SVEP1: variants seen among roughly 807,000 people sequenced by gnomAD.
The protein encoded by SVEP1 is sushi, von Willebrand factor type A, EGF and pentraxin domain containing 1.
In SVEP1, 164 loss-of-function variants were observed where a neutral mutation model predicts 367.3. The observed-to-expected ratio is 0.45, with a 90% CI of 0.39 to 0.51. SVEP1 has a LOEUF of 0.51. SVEP1 is among the 20% of genes least tolerant of loss of function. The probability of loss-of-function intolerance (pLI) is 0.00; values close to 1 mark genes in which losing one functional copy is unlikely to be tolerated. For synonymous variants in SVEP1, 1,666 were observed against 1,611.6 expected, an observed-to-expected ratio of 1.03 and a Z score of -0.81; for missense variants, 4,117 against 4,425.3, an observed-to-expected ratio of 0.93 and a Z score of 1.98.
chr9:110,471,635 TG>T, intron 15 of SVEP1, 38 bp from the exon 16 acceptor site: 1 of 1,476,180 alleles, frequency 6.8e-7, no homozygotes, highest in Non-Finnish European at 9.3e-7. Flanking sequence ...CACAAACACA[TG>T]GTGTTTCAGA....
At chr9:110,379,047 ATTAT>A (rs146647144) in intron 44 of SVEP1, among the ~76,000 whole-genome samples, 12,264 of 152,200 alleles carry the variant, frequency 0.081, 964 homozygotes, top group African/African-American at 0.21. Flanking sequence ...GAATGAAATA[ATTAT>A]TATGATGTAT....
rs754369240 is a variant in SVEP1, at chr9:110,476,249, A to C, written c.2554T>G (p.Tyr852Asp). ...CRLEENLTKK[Y>D]CLEYNYDYEN... ...TAGTCATAATTATATTCTAGGCAAT[A>C]TTTTTTGGTCAGGTTCTCCTCCAGT... is the stretch of plus-strand genomic sequence containing the variant. Residue 852 changes from tyrosine to aspartate, a missense_variant, in exon 14 of 48, where the codon TAT becomes GAT. Tyr to Asp is a radical substitution (Grantham distance 160). Transcript: ENST00000374469. 1 of 1,613,692 alleles carries C rather than the reference A, an allele frequency of 6.2e-7. No individual in the cohort carries two copies. The highest frequency in any genetic ancestry group is 1.3e-5 in the African/African-American group (1 of 75,028).
At chr9:110,450,344 T>A (rs1828673520) in intron 23 of SVEP1, 84 bp from the exon 24 acceptor site, 6 of 1,397,720 alleles carry the variant, frequency 4.3e-6, no homozygotes, top group Non-Finnish European at 5.9e-6. Context: ...CCCTGGAGGA[T>A]GCTGCTTCTA....
chr9:110,449,986 CCAT>C, intron 24 of SVEP1, 70 bp downstream of exon 24: 1 of 1,530,114 alleles, frequency 6.5e-7, no homozygotes, highest in South Asian at 1.2e-5. Flanking sequence ...AAGCAATACT[CCAT>C]AAAGGCTGCA....
At chr9:110,508,945 G>T (rs1829669142) in intron 5 of SVEP1, among the ~76,000 whole-genome samples, 1 of 152,062 alleles carries the variant, frequency 6.6e-6, no homozygotes, top group Non-Finnish European at 1.5e-5. Context: ...TAGATTTTAT[G>T]CAGGTCTTTC....
intron 1 of SVEP1, among the ~76,000 whole-genome samples, chr9:110,572,419 C>T (rs1166396937): frequency 6.6e-6 from 1 of 152,134 alleles, no homozygotes. Context: ...TAATAAGTGC[C>T]TTTAACAGTA....
intron 40 of SVEP1, among the ~76,000 whole-genome samples, chr9:110,397,857 G>A (rs982487804): frequency 6.6e-6 from 1 of 152,042 alleles, no homozygotes; most frequent in African/African-American, 2.4e-5. Context: ...ACAAAGAAAT[G>A]GAAGAACATT....
In SVEP1 at chr9:110,406,130, C is replaced by T. The variant is rs372376495; in HGVS notation, c.9440+30G>A. The T allele has an allele frequency of 2.0e-6, 3 of 1,518,194 alleles. No homozygotes were observed. In the African/African-American group the frequency reaches 4.2e-5, roughly 21 times the overall value. The allele number at this position is 1,518,194 out of a possible 1,614,324, so 94.0% of individuals were successfully genotyped here. ...TTTCATTTCATAATCCTGCCCGCAC[C>T]CCTTGGAGACCCTAGAGCCATGATC... On this transcript the variant is annotated intron_variant, in intron 38 of 47. Transcript: ENST00000374469.
chr9:110,459,581 G>C (rs62569937), intron 18 of SVEP1, among the ~76,000 whole-genome samples: 119 of 151,860 alleles, frequency 7.8e-4, no homozygotes, highest in Non-Finnish European at 1.5e-3. Flanking sequence ...TATTTCCTTG[G>C]GATAATAGTT....
At chr9:110,561,501 G>A (rs924985877) in intron 1 of SVEP1, among the ~76,000 whole-genome samples, 1 of 152,122 alleles carries the variant, frequency 6.6e-6, no homozygotes, top group Non-Finnish European at 1.5e-5. Context: ...ATTTGTACTA[G>A]CTATATGTCC....
intron 1 of SVEP1, among the ~76,000 whole-genome samples, chr9:110,559,018 C>T (rs1830389567): frequency 6.6e-6 from 1 of 151,830 alleles, no homozygotes; most frequent in Admixed American, 6.6e-5. Context: ...CTTTGCTTAT[C>T]AATAAAAATT....
chr9:110,415,296 A>C (rs1197689442), intron 36 of SVEP1, among the ~76,000 whole-genome samples: 1 of 152,008 alleles, frequency 6.6e-6, no homozygotes, highest in Non-Finnish European at 1.5e-5. Context: ...AATGAAAAGC[A>C]CAACACCAGT....
intron 42 of SVEP1, among the ~76,000 whole-genome samples, chr9:110,386,372 A>G (rs1827522641): frequency 6.6e-6 from 1 of 152,244 alleles, no homozygotes; most frequent in Non-Finnish European, 1.5e-5. Flanking sequence ...ATTATTTTAG[A>G]CTGAGTTTTT....
chr9:110,440,508 A>G (rs780714056), intron 27 of SVEP1, among the ~76,000 whole-genome samples: 18 of 152,236 alleles, frequency 1.2e-4, no homozygotes, highest in Non-Finnish European at 2.1e-4. Flanking sequence ...TCTTCTTCTA[A>G]GAGATGATAA....
intron 32 of SVEP1, among the ~76,000 whole-genome samples, chr9:110,431,178 GT>G (rs1436281962): frequency 6.6e-6 from 1 of 152,082 alleles, no homozygotes; most frequent in Non-Finnish European, 1.5e-5. Context: ...TTATTAAACT[GT>G]TTTCCATAGT....
chr9:110,488,002 G>A (rs900731302), intron 9 of SVEP1, among the ~76,000 whole-genome samples: 1 of 152,060 alleles, frequency 6.6e-6, no homozygotes, highest in Non-Finnish European at 1.5e-5. Flanking sequence ...GAGATGATAC[G>A]GTAAACCAGG....
intron 12 of SVEP1, among the ~76,000 whole-genome samples, chr9:110,480,781 A>G (rs933111250): frequency 5.3e-5 from 8 of 151,614 alleles, no homozygotes; most frequent in African/African-American, 1.9e-4. Context: ...ACAGGAGCAC[A>G]CCACCAGGCC....
At chr9:110,567,806 A>G (rs1339514109) in intron 1 of SVEP1, among the ~76,000 whole-genome samples, 1 of 152,164 alleles carries the variant, frequency 6.6e-6, no homozygotes, top group Non-Finnish European at 1.5e-5. Flanking sequence ...TGGCCCACCC[A>G]GACTTCCTAG....
intron 1 of SVEP1, among the ~76,000 whole-genome samples, chr9:110,556,004 AT>A (rs1424375661): frequency 1.3e-5 from 2 of 152,224 alleles, no homozygotes; most frequent in African/African-American, 4.8e-5. Flanking sequence ...TTTGTGAGAC[AT>A]TTAAGAAACA....
Sources: gnomAD v4.1 joint callset for allele counts (sites outside exome capture counted in the v4.1 genomes callset) on GRCh38, gnomAD v4.1.1 for gene constraint, MANE v1.5 for transcripts, NCBI Gene and HGNC (gene_info 2026-07-23, HGNC 2026-07-21) for gene names.